GPHN: variants seen among roughly 807,000 people sequenced by gnomAD.
The protein encoded by GPHN is gephyrin.
In GPHN, 17 loss-of-function variants were observed where a neutral mutation model predicts 95.5. The observed-to-expected ratio is 0.18, with a 90% confidence interval of 0.12 to 0.27. The LOEUF is 0.27. Ranked by LOEUF, GPHN falls within the 10% of genes least tolerant of loss-of-function variation. The probability of loss-of-function intolerance (pLI) is 1.00; values close to 1 mark genes in which losing one functional copy is unlikely to be tolerated. For missense variants in GPHN, 660 were observed against 978.1 expected (o/e 0.67, Z 4.34); for synonymous variants, 320 against 322.5 (o/e 0.99, Z 0.08).
At chr14:67,687,883 T>C in the GPHN span, among the ~76,000 whole-genome samples, 1 of 152,122 alleles carries the variant, frequency 6.6e-6, no homozygotes, top group South Asian at 2.1e-4. Flanking sequence ...GCGATTCTCC[T>C]GCCTCAGCCT....
chr14:67,215,778 ACT>A, the GPHN span, among the ~76,000 whole-genome samples: 4 of 152,264 alleles, frequency 2.6e-5, no homozygotes, highest in East Asian at 7.7e-4. Context: ...AGGTCTGGTC[ACT>A]CTGATGTCTT....
intron 5 of GPHN, among the ~76,000 whole-genome samples, chr14:66,910,372 G>A (rs780413710): frequency 6.6e-5 from 10 of 151,370 alleles, no homozygotes; most frequent in Admixed American, 1.3e-4. Flanking sequence ...TCATCTATTC[G>A]GCCAAAAGAA....
At chr14:67,018,756 T>C (rs1196425426) in intron 9 of GPHN, among the ~76,000 whole-genome samples, 3 of 152,220 alleles carry the variant, frequency 2.0e-5, no homozygotes, top group Non-Finnish European at 4.4e-5. Flanking sequence ...TCATAACAAC[T>C]ACTGACATTT....
intron 1 of GPHN, among the ~76,000 whole-genome samples, chr14:66,641,661 A>G (rs1256311221): frequency 6.6e-6 from 1 of 151,232 alleles, no homozygotes; most frequent in African/African-American, 2.4e-5. Context: ...TGACAAAAAA[A>G]AAAAAAGAGA....
chr14:67,509,963 T>G, the GPHN span, among the ~76,000 whole-genome samples: 16 of 152,172 alleles, frequency 1.1e-4, no homozygotes, highest in African/African-American at 3.9e-4. Context: ...TGAGCTATGA[T>G]TGTGCCACTG....
At chr14:66,776,724 A>G (rs2153461336) in intron 3 of GPHN, among the ~76,000 whole-genome samples, 1 of 152,256 alleles carries the variant, frequency 6.6e-6, no homozygotes. Context: ...TTCTGACTAC[A>G]ATATTAGGAG....
the GPHN span, among the ~76,000 whole-genome samples, chr14:67,446,599 G>T: frequency 1.1e-4 from 16 of 152,274 alleles, no homozygotes; most frequent in African/African-American, 3.8e-4. Flanking sequence ...TCCCAGGAGG[G>T]GCAGCACAGT....
At chr14:66,627,580 G>T (rs1472276626) in intron 1 of GPHN, among the ~76,000 whole-genome samples, 1 of 151,940 alleles carries the variant, frequency 6.6e-6, no homozygotes, top group Non-Finnish European at 1.5e-5. Context: ...GGTATAGAAT[G>T]GCCAGCATAT....
At chr14:67,320,206 G>T in the GPHN span, 1 of 1,597,318 alleles carries the variant, frequency 6.3e-7, no homozygotes, top group South Asian at 1.1e-5. Flanking sequence ...TTTGTTTGAA[G>T]AGCTTAACTT....
intron 4 of GPHN, among the ~76,000 whole-genome samples, chr14:66,833,333 G>A (rs2061654732): frequency 6.6e-6 from 1 of 152,096 alleles, no homozygotes; most frequent in African/African-American, 2.4e-5. Flanking sequence ...ACTATCATGA[G>A]AACCATGAGA....
chr14:66,609,325 G>T (rs2062683000), intron 1 of GPHN, among the ~76,000 whole-genome samples: 1 of 152,034 alleles, frequency 6.6e-6, no homozygotes, highest in African/African-American at 2.4e-5. Flanking sequence ...CTATCCTGAT[G>T]GGGTTTCCTT....
the GPHN span, among the ~76,000 whole-genome samples, chr14:67,481,325 G>A: frequency 6.6e-6 from 1 of 152,182 alleles, no homozygotes; most frequent in African/African-American, 2.4e-5. Context: ...GCGAGATGGG[G>A]GAGAGAGAAA....
chr14:67,506,677 A>C, the GPHN span, among the ~76,000 whole-genome samples: 5 of 152,182 alleles, frequency 3.3e-5, no homozygotes, highest in African/African-American at 1.2e-4. Flanking sequence ...AAAGAATCCA[A>C]GGGTCCTTAG....
intron 7 of GPHN, 31 bp from the exon 8 acceptor site, chr14:66,924,163 A>T: frequency 8.6e-7 from 1 of 1,156,796 alleles, no homozygotes; most frequent in Middle Eastern, 1.9e-4. Flanking sequence ...TCCTGTCACT[A>T]TATTCATAGT....
At chr14:67,188,291 C>T in the GPHN span, among the ~76,000 whole-genome samples, 47 of 152,188 alleles carry the variant, frequency 3.1e-4, no homozygotes, top group South Asian at 6.2e-4. Flanking sequence ...ATTTTAAAGA[C>T]GCTTTTGAAG....
At position 66,584,658 on chromosome 14, in the gene GPHN, G is replaced by A. The variant is rs144860411; in HGVS notation, c.64+76067G>A. Among the ~76,000 whole-genome samples the A allele has an allele frequency of 5.1e-4, 77 of 152,206 alleles. 1 individual carries two copies. The highest frequency in any genetic ancestry group is 1.7e-3 in the African/African-American group (71 of 41,524). ...CTATTGAGATGATCATGTGGTTTTC[G>A]TCTTTGGTTTTGTTTATATGCTGGA... is the stretch of plus-strand genomic sequence containing the variant. On this transcript the variant is annotated intron_variant, in intron 1 of 22. Coordinates refer to ENST00000478722, the MANE Select transcript of GPHN (RefSeq NM_020806.5).
At chr14:67,302,518 A>G in the GPHN span, 1 of 1,591,474 alleles carries the variant, frequency 6.3e-7, no homozygotes, top group Non-Finnish European at 8.5e-7. Flanking sequence ...AGTTCTAGAG[A>G]TTAATGGCAT....
At chr14:66,940,658 A>G (rs2067376761) in intron 8 of GPHN, among the ~76,000 whole-genome samples, 2 of 152,244 alleles carry the variant, frequency 1.3e-5, no homozygotes, top group Non-Finnish European at 2.9e-5. Flanking sequence ...CTTAACTGGC[A>G]GGAATCAGTC....
chr14:67,674,611 G>T, the GPHN span: 2 of 718,656 alleles, frequency 2.8e-6, no homozygotes, highest in Non-Finnish European at 4.1e-6. Flanking sequence ...CGCCGCCCAG[G>T]ACGAGGCTCT....
Sources: allele counts gnomAD v4.1 joint callset (sites outside exome capture counted in the v4.1 genomes callset), GRCh38; gene constraint gnomAD v4.1.1; transcripts MANE v1.5; gene names NCBI Gene and HGNC (gene_info 2026-07-23, HGNC 2026-07-21).